LRRC7: variants seen among roughly 807,000 people sequenced by gnomAD.
The protein encoded by LRRC7 is leucine-rich repeat-containing protein 7.
A neutral mutation model predicts 175.7 loss-of-function variants in LRRC7; 23 were observed. The ratio of observed to expected loss-of-function variants is 0.13; its 90% CI spans 0.09 to 0.19. The LOEUF (loss-of-function observed/expected upper bound fraction) is 0.19. Among genes scored for constraint, LRRC7 ranks in the 10% least tolerant of loss-of-function variants. The pLI, the probability that LRRC7 is intolerant of heterozygous loss-of-function variation, is 1.00. For synonymous variants in LRRC7, 685 were observed against 680.9 expected, an observed-to-expected ratio of 1.01 and a Z score of -0.09; for missense variants, 1,354 against 1,904.7, an observed-to-expected ratio of 0.71 and a Z score of 5.38.
At chr1:70,045,508 C>T (rs1660256847) in intron 22 of LRRC7, among the ~76,000 whole-genome samples, 1 of 152,066 alleles carries the variant, frequency 6.6e-6, no homozygotes, top group South Asian at 2.1e-4. Flanking sequence ...CTCGGATGCC[C>T]AAGACTCTCA....
intron 2 of LRRC7, among the ~76,000 whole-genome samples, chr1:69,742,486 A>G (rs1194873532): frequency 5.9e-5 from 9 of 151,874 alleles, no homozygotes; most frequent in Admixed American, 3.9e-4. Flanking sequence ...GCATCTTTAG[A>G]TTAGATGTTC....
chr1:69,828,437 T>C (rs1199673422), intron 5 of LRRC7, among the ~76,000 whole-genome samples: 1 of 152,140 alleles, frequency 6.6e-6, no homozygotes, highest in Non-Finnish European at 1.5e-5. Flanking sequence ...AGAATTTGGT[T>C]CCATCAGTTT....
In LRRC7 at chr1:70,028,032, C is replaced by A. The variant is rs904668043; in HGVS notation, c.1795-139C>A. On this transcript the variant is annotated intron_variant, in intron 17 of 26. Transcript: ENST00000651989. ...GAATATGAGAACACTATGCGTCCTA[C>A]TCTATAACAGAGTTTCTCAGCCAGC... The A allele has an allele frequency of 1.8e-5, 13 of 728,860 alleles. No homozygotes were observed. In the African/African-American group the frequency reaches 2.0e-4, roughly 11 times the overall value. 45.1% of individuals were successfully genotyped at this position (728,860 alleles called of 1,614,324 possible).
intron 7 of LRRC7, among the ~76,000 whole-genome samples, chr1:69,907,926 C>A (rs1246454570): frequency 6.6e-6 from 1 of 152,110 alleles, no homozygotes; most frequent in Non-Finnish European, 1.5e-5. Flanking sequence ...TTGATTATTG[C>A]CACAATTTCA....
rs578026388 is a variant in LRRC7, at chr1:69,729,802, CTGTG to C, written c.101-30386_101-30383del. Among the ~76,000 whole-genome samples, 414 of 152,348 alleles carry C rather than the reference CTGTG, an allele frequency of 2.7e-3. 3 individuals are homozygous for C. Among genetic ancestry groups the C allele is most frequent in the African/African-American group, 9.4e-3 (390 of 41,590 alleles). On this transcript the variant is annotated intron_variant, in intron 2 of 26. Coordinates refer to ENST00000651989, the MANE Select transcript of LRRC7 (RefSeq NM_001370785.2). ...TCTAGGAAGTGCCCCAGCAGAGACTCTGTGTGGGGGTTCCAAGCCCTCATTTCCC... is the reference window on the plus strand; with the variant it reads ...TCTAGGAAGTGCCCCAGCAGAGACTCTGGGGGTTCCAAGCCCTCATTTCCC...
rs1378309834 is a variant in LRRC7 at position 70,143,716 on chromosome 1, A to ACTT, written c.*21830_*21832dup. 1 of 152,128 alleles carries ACTT rather than the reference A, an allele frequency of 6.6e-6. No individual in the cohort carries two copies. Among genetic ancestry groups the ACTT allele is most frequent in the African/African-American group, 2.4e-5 (1 of 41,450 alleles). 9.4% of individuals were successfully genotyped at this position (152,128 alleles called of 1,614,324 possible). On this transcript the variant is annotated 3_prime_UTR_variant, in exon 27 of 27. Coordinates refer to ENST00000651989, the MANE Select transcript of LRRC7 (RefSeq NM_001370785.2). Reference sequence around the variant, plus strand: ...CTAGCCAATTCAAAACAAATTGCTTACTTTAATAATACAATTTTACCATTT... The same window carrying ACTT: ...CTAGCCAATTCAAAACAAATTGCTTACTTCTTTAATAATACAATTTTACCATTT...
rs1035510241 is a variant in LRRC7, at chr1:69,782,888, T to G, written c.304-9155T>G. On this transcript the variant is annotated intron_variant, in intron 3 of 26. Coordinates refer to ENST00000651989, the MANE Select transcript of LRRC7 (RefSeq NM_001370785.2). ...AAATGTGTGTATTTGTGTGTGTGGA[T>G]GCATGCACATGTGCATATGTGTGTT... Among the ~76,000 whole-genome samples, 5 of 152,306 alleles carry G rather than the reference T, an allele frequency of 3.3e-5. 1 individual carries two copies. The South Asian group carries it at 8.3e-4, about 25-fold the overall frequency.
chr1:69,647,624 C>G (rs1157900690), intron 1 of LRRC7, among the ~76,000 whole-genome samples: 1 of 152,006 alleles, frequency 6.6e-6, no homozygotes, highest in Non-Finnish European at 1.5e-5. Flanking sequence ...TAGGCCCCTT[C>G]AATTTGAAGC....
At chr1:69,924,123 C>T (rs1470199576) in intron 7 of LRRC7, among the ~76,000 whole-genome samples, 2 of 151,910 alleles carry the variant, frequency 1.3e-5, no homozygotes, top group Non-Finnish European at 2.9e-5. Context: ...AGATATGCGG[C>T]GTTATTTCTG....
chr1:69,693,976 A>G (rs1662233190), intron 2 of LRRC7, among the ~76,000 whole-genome samples: 1 of 152,186 alleles, frequency 6.6e-6, no homozygotes, highest in African/African-American at 2.4e-5. Flanking sequence ...GAGATATGAA[A>G]TCAATAAGTT....
intron 1 of LRRC7, among the ~76,000 whole-genome samples, chr1:69,588,990 T>TGTGTGTGTGTGGGG (rs768213342): frequency 6.0e-5 from 9 of 151,108 alleles, no homozygotes; most frequent in South Asian, 2.1e-4. Flanking sequence ...GGGGTCTGTG[T>TGTGTGTGTGTGGGG]GTGTGTGTGT....
chr1:69,750,093 T>TAAATAAATAAATAAATAAAA (rs139997047), intron 2 of LRRC7, among the ~76,000 whole-genome samples: 2 of 142,202 alleles, frequency 1.4e-5, no homozygotes, highest in African/African-American at 5.3e-5. Flanking sequence ...AATAAATAAA[T>TAAATAAATAAATAAATAAAA]AATAATAACT....
intron 25 of LRRC7, among the ~76,000 whole-genome samples, chr1:70,103,712 TA>T (rs1196792104): frequency 6.6e-6 from 1 of 152,192 alleles, no homozygotes; most frequent in Non-Finnish European, 1.5e-5. Context: ...AGAAAACTAA[TA>T]TATATTGCCT....
chr1:70,003,976 A>G (rs1655768561), intron 11 of LRRC7, among the ~76,000 whole-genome samples: 2 of 152,114 alleles, frequency 1.3e-5, no homozygotes, highest in Non-Finnish European at 2.9e-5. Context: ...ATCTAACGTA[A>G]TTTTTTTGCA....
At chr1:69,708,471 T>C (rs1487159025) in intron 2 of LRRC7, among the ~76,000 whole-genome samples, 2 of 152,234 alleles carry the variant, frequency 1.3e-5, no homozygotes, top group African/African-American at 4.8e-5. Context: ...TCCCAGAATT[T>C]TCTTCCTTTA....
intron 18 of LRRC7, among the ~76,000 whole-genome samples, chr1:70,032,846 A>C (rs1288572677): frequency 1.3e-5 from 2 of 152,210 alleles, no homozygotes; most frequent in African/African-American, 4.8e-5. Flanking sequence ...CAATTGTGAG[A>C]AAAAGGACAT....
At chr1:70,049,217 A>T (rs1025373932) in intron 22 of LRRC7, among the ~76,000 whole-genome samples, 3 of 152,148 alleles carry the variant, frequency 2.0e-5, no homozygotes, top group Non-Finnish European at 4.4e-5. Flanking sequence ...ACTAAAGTTG[A>T]TTGAAATTAG....
chr1:69,953,291 C>CTAT (rs1200832659), intron 8 of LRRC7, among the ~76,000 whole-genome samples: 4 of 152,046 alleles, frequency 2.6e-5, no homozygotes, highest in Non-Finnish European at 5.9e-5. Context: ...CAACTCTATG[C>CTAT]TATAGTTTGT....
chr1:70,133,414 T>C lies in LRRC7; in HGVS notation c.*11527T>C, dbSNP rs1250888634. 1.3e-5 allele frequency among the ~76,000 whole-genome samples: 2 copies of C among 152,128 alleles called. No homozygotes were observed. Among genetic ancestry groups the C allele is most frequent in the African/African-American group, 2.4e-5 (1 of 41,418 alleles). On this transcript the variant is annotated 3_prime_UTR_variant, in exon 27 of 27. Coordinates refer to ENST00000651989, the MANE Select transcript of LRRC7 (RefSeq NM_001370785.2). ...TTTTGTATTTTTAGTAAAGACAGGTTTTCTCCATGTTGCCCAGGCTGGTCT... is the reference window on the plus strand; with the variant it reads ...TTTTGTATTTTTAGTAAAGACAGGTCTTCTCCATGTTGCCCAGGCTGGTCT...
Sources: allele counts gnomAD v4.1 joint callset (sites outside exome capture counted in the v4.1 genomes callset), GRCh38; gene constraint gnomAD v4.1.1; transcripts MANE v1.5; gene names NCBI Gene and HGNC (gene_info 2026-07-23, HGNC 2026-07-21).